Variants in SV2C observed in about 807,000 individuals in gnomAD.
SV2C encodes solute carrier family 22 member B3.
Under a neutral mutation model 79.7 loss-of-function variants are expected in SV2C, and 49 were observed. The ratio of observed to expected loss-of-function variants is 0.61; its 90% CI spans 0.49 to 0.78. SV2C has a LOEUF of 0.78. Among genes scored for constraint, SV2C ranks in the 30% least tolerant of loss-of-function variants. The pLI is 0.00. For synonymous variants in SV2C, 334 were observed against 333.2 expected (o/e 1.00, Z -0.03); for missense variants, 833 against 912.9 (o/e 0.91, Z 1.13).
At chr5:76,284,526 AC>A (rs772037742) in intron 4 of SV2C, among the ~76,000 whole-genome samples, 1 of 152,126 alleles carries the variant, frequency 6.6e-6, no homozygotes, top group Non-Finnish European at 1.5e-5. Flanking sequence ...ATAATAAAGC[AC>A]CCTGGATCCA....
intron 1 of SV2C, among the ~76,000 whole-genome samples, chr5:76,100,846 A>G (rs1309454411): frequency 6.6e-6 from 1 of 152,202 alleles, no homozygotes; most frequent in East Asian, 1.9e-4. Context: ...TGTCCTGTGC[A>G]TCGTAAGATG....
At chr5:76,310,485 T>C (rs2112542389) in intron 12 of SV2C, among the ~76,000 whole-genome samples, 1 of 151,922 alleles carries the variant, frequency 6.6e-6, no homozygotes, top group East Asian at 1.9e-4. Context: ...ATGACCAAGG[T>C]AGAGGGTAAG....
chr5:76,315,848 A>G (rs901589783), intron 12 of SV2C, among the ~76,000 whole-genome samples: 1 of 152,234 alleles, frequency 6.6e-6, no homozygotes, highest in Non-Finnish European at 1.5e-5. Flanking sequence ...TCTCCTCTCC[A>G]GTGTGCAAAG....
chr5:75,998,404 C>T, the SV2C span, among the ~76,000 whole-genome samples: 443 of 152,160 alleles, frequency 2.9e-3, 3 homozygotes, highest in African/African-American at 0.01. Context: ...ATACTCATGC[C>T]ATCACTAGTA....
At chr5:76,280,324 C>T (rs1432953977) in intron 4 of SV2C, among the ~76,000 whole-genome samples, 1 of 152,038 alleles carries the variant, frequency 6.6e-6, no homozygotes, top group East Asian at 1.9e-4. Flanking sequence ...AGGACCTCAA[C>T]AGCAACAAGT....
At chr5:75,885,608 G>A in the SV2C span, among the ~76,000 whole-genome samples, 1 of 152,006 alleles carries the variant, frequency 6.6e-6, no homozygotes, top group Non-Finnish European at 1.5e-5. Context: ...GTATTCACAG[G>A]CAAAAATTGT....
chr5:76,312,582 G>C (rs962622949), intron 12 of SV2C, among the ~76,000 whole-genome samples: 1 of 152,122 alleles, frequency 6.6e-6, no homozygotes, highest in African/African-American at 2.4e-5. Flanking sequence ...CCTCCTCCGT[G>C]GCGCTCGGGG....
chr5:75,959,539 G>T, the SV2C span, among the ~76,000 whole-genome samples: 1 of 151,962 alleles, frequency 6.6e-6, no homozygotes, highest in Admixed American at 6.6e-5. Context: ...TGTAGCCAGG[G>T]TTGAGGTTTA....
intron 8 of SV2C, among the ~76,000 whole-genome samples, chr5:76,293,657 C>A (rs1321611662): frequency 6.6e-6 from 1 of 152,162 alleles, no homozygotes; most frequent in African/African-American, 2.4e-5. Flanking sequence ...TACCCTCACA[C>A]CCCCACAGAC....
At chr5:75,990,504 A>G in the SV2C span, among the ~76,000 whole-genome samples, 2 of 152,100 alleles carry the variant, frequency 1.3e-5, no homozygotes, top group East Asian at 1.9e-4. Flanking sequence ...TTCTGTTCCA[A>G]CTAAGAATCC....
At chr5:76,040,153 G>A in the SV2C span, among the ~76,000 whole-genome samples, 1 of 152,124 alleles carries the variant, frequency 6.6e-6, no homozygotes, top group South Asian at 2.1e-4. Flanking sequence ...TGATAGAATA[G>A]TTAAAAATAA....
At chr5:76,072,578 C>CT in the SV2C span, among the ~76,000 whole-genome samples, 1 of 152,124 alleles carries the variant, frequency 6.6e-6, no homozygotes, top group Non-Finnish European at 1.5e-5. Context: ...GCTTGATTAA[C>CT]TTTACACAGG....
rs372809276 is a variant in SV2C at position 76,223,906 on chromosome 5, C to CGTGGTGGGGATGGGGAA, written c.913+14029_913+14045dup. 3.3e-3 allele frequency among the ~76,000 whole-genome samples: 507 copies of CGTGGTGGGGATGGGGAA among 152,074 alleles called. 4 individuals carry two copies. The highest frequency in any genetic ancestry group is 0.011 in the African/African-American group (470 of 41,434). On this transcript the variant is annotated intron_variant, in intron 4 of 12. Coordinates refer to ENST00000502798, the MANE Select transcript of SV2C (RefSeq NM_014979.4). ...TGGCCACCTTCTTGCTGTGTCTGTA[C>CGTGGTGGGGATGGGGAA]GTGGTGGGGATGGGGAAGTGGTGGG...
At chr5:76,083,330 C>T (rs1185714009), upstream of SV2C, 1 of 152,112 alleles carries the variant, frequency 6.6e-6, no homozygotes, top group Non-Finnish European at 1.5e-5. Flanking sequence ...AGCGTGCAAG[C>T]CGGGAGCCAC....
the SV2C span, among the ~76,000 whole-genome samples, chr5:75,982,673 T>C: frequency 6.6e-6 from 1 of 152,220 alleles, no homozygotes; most frequent in Non-Finnish European, 1.5e-5. Context: ...TGTATGTTTA[T>C]TGTAGCACTA....
chr5:75,937,738 CAA>C, the SV2C span, among the ~76,000 whole-genome samples: 7 of 152,116 alleles, frequency 4.6e-5, no homozygotes, highest in African/African-American at 1.7e-4. Flanking sequence ...CAAAACAAAA[CAA>C]AACTGTGCCA....
intron 4 of SV2C, among the ~76,000 whole-genome samples, chr5:76,211,878 A>G (rs1409108615): frequency 6.6e-6 from 1 of 152,200 alleles, no homozygotes; most frequent in Non-Finnish European, 1.5e-5. Flanking sequence ...CTGAAGTCGT[A>G]TTTAACAACA....
intron 9 of SV2C, chr5:76,296,197 G>T: frequency 4.4e-6 from 1 of 229,780 alleles, no homozygotes; most frequent in Non-Finnish European, 8.4e-6. Context: ...TGACTGGTGT[G>T]GAAGGAAAAT....
intron 1 of SV2C, among the ~76,000 whole-genome samples, chr5:76,093,950 C>G (rs1221660652): frequency 6.6e-6 from 1 of 152,078 alleles, no homozygotes; most frequent in African/African-American, 2.4e-5. Context: ...ACTGTCTATT[C>G]AAGAAATGTT....
Sources: allele counts gnomAD v4.1 joint callset (sites outside exome capture counted in the v4.1 genomes callset), GRCh38; gene constraint gnomAD v4.1.1; transcripts MANE v1.5; gene names NCBI Gene and HGNC (gene_info 2026-07-23, HGNC 2026-07-21).